Variants in PIGK observed in about 807,000 individuals in gnomAD.
PIGK encodes phosphatidylinositol glycan anchor biosynthesis class K, also known as GPI-anchor transamidase.
A neutral mutation model predicts 50.6 loss-of-function variants in PIGK; 42 were observed. The ratio of observed to expected loss-of-function variants is 0.83; its 90% confidence interval spans 0.65 to 1.07. The LOEUF (loss-of-function observed/expected upper bound fraction) is 1.07, where lower values mean the gene tolerates loss of function less well. PIGK is among the 50% of genes least tolerant of loss of function. The pLI is 0.00. For synonymous variants in PIGK, 151 were observed against 156.0 expected, an observed-to-expected ratio of 0.97 and a Z score of 0.24; for missense variants, 448 against 488.7, an observed-to-expected ratio of 0.92 and a Z score of 0.78.
chr1:77,098,605 T>A (rs1008032882), intron 10 of PIGK, among the ~76,000 whole-genome samples: 26 of 152,022 alleles, frequency 1.7e-4, no homozygotes, highest in African/African-American at 6.3e-4. Flanking sequence ...TCCTAAAGTG[T>A]TAGGATTACC....
intron 8 of PIGK, among the ~76,000 whole-genome samples, chr1:77,160,088 G>A (rs1015592635): frequency 6.6e-6 from 1 of 152,082 alleles, no homozygotes; most frequent in Non-Finnish European, 1.5e-5. Context: ...TAATCATGTG[G>A]GGCAGTTACT....
intron 3 of PIGK, among the ~76,000 whole-genome samples, chr1:77,203,136 G>C (rs1656208998): frequency 6.6e-6 from 1 of 151,768 alleles, no homozygotes; most frequent in Non-Finnish European, 1.5e-5. Flanking sequence ...GGAAAAACTA[G>C]CTGTGGTAGA....
At chr1:77,111,799 A>T (rs1478117089) in intron 10 of PIGK, among the ~76,000 whole-genome samples, 1 of 152,100 alleles carries the variant, frequency 6.6e-6, no homozygotes, top group Non-Finnish European at 1.5e-5. Context: ...AAAAGTAAAC[A>T]TTAATTATTT....
At chr1:77,197,473 C>A (rs994260237) in intron 3 of PIGK, among the ~76,000 whole-genome samples, 1 of 152,112 alleles carries the variant, frequency 6.6e-6, no homozygotes, top group Non-Finnish European at 1.5e-5. Flanking sequence ...ATTCCTCTGC[C>A]CTGTCTGATT....
intron 10 of PIGK, among the ~76,000 whole-genome samples, chr1:77,112,347 G>T (rs543492735): frequency 6.6e-6 from 1 of 151,992 alleles, no homozygotes; most frequent in African/African-American, 2.4e-5. Flanking sequence ...CTAAACTACT[G>T]CCAAGAATAT....
At chr1:77,136,327 A>C (rs1654513082) in intron 9 of PIGK, among the ~76,000 whole-genome samples, 1 of 151,868 alleles carries the variant, frequency 6.6e-6, no homozygotes, top group East Asian at 1.9e-4. Flanking sequence ...CAGGAGATCG[A>C]GACCATCCCG....
intron 3 of PIGK, among the ~76,000 whole-genome samples, chr1:77,203,331 T>C (rs1198449822): frequency 1.3e-5 from 2 of 152,134 alleles, no homozygotes; most frequent in African/African-American, 4.8e-5. Flanking sequence ...TCCAAAACAA[T>C]TATTTGAGGG....
intron 10 of PIGK, among the ~76,000 whole-genome samples, chr1:77,117,286 G>A (rs1419821976): frequency 6.6e-6 from 1 of 152,130 alleles, no homozygotes; most frequent in Non-Finnish European, 1.5e-5. Flanking sequence ...CTTGACAAAG[G>A]ATGAATAAGA....
At chr1:77,107,629 A>T (rs901305771) in intron 10 of PIGK, among the ~76,000 whole-genome samples, 2 of 152,084 alleles carry the variant, frequency 1.3e-5, no homozygotes, top group African/African-American at 4.8e-5. Flanking sequence ...GCTGAGTTCA[A>T]TTCCTGGGTA....
At chr1:77,153,018 T>C (rs1654926765) in intron 9 of PIGK, among the ~76,000 whole-genome samples, 1 of 152,112 alleles carries the variant, frequency 6.6e-6, no homozygotes, top group Admixed American at 6.6e-5. Context: ...TCTAGCTACA[T>C]ATCCAGAAAA....
intron 3 of PIGK, among the ~76,000 whole-genome samples, chr1:77,174,267 T>C (rs74092439): frequency 0.011 from 1,736 of 152,308 alleles, 37 homozygotes; most frequent in African/African-American, 0.039. Flanking sequence ...AAAGGACTTT[T>C]ATAGAGGGCT....
intron 3 of PIGK, among the ~76,000 whole-genome samples, chr1:77,174,995 T>C (rs1231627339): frequency 2.0e-5 from 3 of 152,156 alleles, no homozygotes. Context: ...TTAATTGGCT[T>C]GAAGAAAAAT....
chr1:77,162,435 T>G (rs1468391756), intron 6 of PIGK, among the ~76,000 whole-genome samples: 1 of 152,190 alleles, frequency 6.6e-6, no homozygotes, highest in Non-Finnish European at 1.5e-5. Flanking sequence ...AGCTAGGATT[T>G]AAAGTAAATT....
At chr1:77,161,955 G>A (rs1316048736) in intron 6 of PIGK, among the ~76,000 whole-genome samples, 1 of 152,078 alleles carries the variant, frequency 6.6e-6, no homozygotes, top group Non-Finnish European at 1.5e-5. Flanking sequence ...CCTCTTCCTT[G>A]TCTATGCCAT....
At chr1:77,158,878 A>T (rs1182979480) in intron 8 of PIGK, among the ~76,000 whole-genome samples, 1 of 152,214 alleles carries the variant, frequency 6.6e-6, no homozygotes, top group Non-Finnish European at 1.5e-5. Context: ...GAAAATTTGC[A>T]TCCTGACAAT....
intron 10 of PIGK, among the ~76,000 whole-genome samples, chr1:77,120,171 C>G (rs1366467495): frequency 6.6e-6 from 1 of 152,066 alleles, no homozygotes; most frequent in Non-Finnish European, 1.5e-5. Context: ...ACTAGCTAAC[C>G]TAATTATCAC....
intron 3 of PIGK, among the ~76,000 whole-genome samples, chr1:77,203,451 T>A (rs1334969968): frequency 6.6e-6 from 1 of 152,094 alleles, no homozygotes; most frequent in African/African-American, 2.4e-5. Flanking sequence ...TACAAAAACC[T>A]CACCTGCATG....
chr1:77,205,063 T>C (rs2100585188), intron 3 of PIGK, among the ~76,000 whole-genome samples: 1 of 152,142 alleles, frequency 6.6e-6, no homozygotes, highest in East Asian at 1.9e-4. Flanking sequence ...AAACATAATA[T>C]ACAAAATACA....
intron 3 of PIGK, among the ~76,000 whole-genome samples, chr1:77,206,056 A>T (rs1255951799): frequency 2.6e-5 from 4 of 152,148 alleles, no homozygotes; most frequent in Non-Finnish European, 5.9e-5. Flanking sequence ...AGAAGTTGGG[A>T]CAGCAAAGTT....
Sources: gnomAD v4.1 joint callset for allele counts (sites outside exome capture counted in the v4.1 genomes callset) on GRCh38, gnomAD v4.1.1 for gene constraint, MANE v1.5 for transcripts, NCBI Gene and HGNC (gene_info 2026-07-23, HGNC 2026-07-21) for gene names.